RFX3: variants seen among roughly 807,000 people sequenced by gnomAD.
The protein encoded by RFX3 is regulatory factor X3, also known as transcription factor RFX3.
In RFX3, 14 loss-of-function variants were observed where a neutral mutation model predicts 98.6. That is an observed-to-expected ratio of 0.14 (90% CI 0.09 to 0.22). The LOEUF is 0.22. Among genes scored for constraint, RFX3 ranks in the 10% least tolerant of loss-of-function variants. RFX3 has a pLI of 1.00. For missense variants in RFX3, 639 were observed against 926.9 expected, an observed-to-expected ratio of 0.69 and a Z score of 4.03; for synonymous variants, 383 against 328.4, an observed-to-expected ratio of 1.17 and a Z score of -1.80.
intron 2 of RFX3, among the ~76,000 whole-genome samples, chr9:3,382,541 T>A (rs1486459022): frequency 6.6e-6 from 1 of 152,154 alleles, no homozygotes; most frequent in African/African-American, 2.4e-5. Context: ...ACTATAATTT[T>A]TTAGTTTAGT....
At chr9:3,512,913 C>A (rs1295851779) in intron 1 of RFX3, among the ~76,000 whole-genome samples, 1 of 151,988 alleles carries the variant, frequency 6.6e-6, no homozygotes, top group East Asian at 1.9e-4. Flanking sequence ...ACTTTTTTAT[C>A]CTTCTTGATT....
At chr9:3,241,625 C>T (rs1439377489) in intron 15 of RFX3, among the ~76,000 whole-genome samples, 1 of 152,060 alleles carries the variant, frequency 6.6e-6, no homozygotes, top group Non-Finnish European at 1.5e-5. Flanking sequence ...GGGGTCACTT[C>T]TATAATTTAT....
intron 3 of RFX3, among the ~76,000 whole-genome samples, chr9:3,334,132 T>C (rs1218296405): frequency 2.6e-5 from 4 of 152,228 alleles, no homozygotes; most frequent in African/African-American, 9.6e-5. Flanking sequence ...CTGTCAATGA[T>C]ATATGTTAAC....
rs189879465 is a variant in RFX3 at position 3,447,751 on chromosome 9, T to C, written c.-8-52155A>G. ...GAAAGGACACCATGCATGAATTAAG[T>C]AAGAAGCATTCATAAGAGAATCAGA... On this transcript the variant is annotated intron_variant, in intron 1 of 16. Transcript: ENST00000617270. Among the ~76,000 whole-genome samples, 59 of 152,276 alleles carry C rather than the reference T, an allele frequency of 3.9e-4. 1 individual carries two copies. The highest frequency in any genetic ancestry group is 1.4e-3 in the African/African-American group (57 of 41,578).
intron 15 of RFX3, among the ~76,000 whole-genome samples, chr9:3,237,708 T>C (rs1387937178): frequency 6.6e-6 from 1 of 152,230 alleles, no homozygotes; most frequent in African/African-American, 2.4e-5. Context: ...ATGCTTATTT[T>C]GTTGAGGAGA....
intron 4 of RFX3, among the ~76,000 whole-genome samples, chr9:3,318,586 C>G (rs1830901715): frequency 6.7e-6 from 1 of 149,106 alleles, no homozygotes; most frequent in Non-Finnish European, 1.5e-5. Flanking sequence ...ATCTAGCCAG[C>G]TTGGCTTTTC....
In RFX3 at chr9:3,257,013, G is replaced by C; in HGVS notation, c.1792C>G (p.Leu598Val). The C allele has an allele frequency of 6.2e-7, 1 of 1,614,112 alleles. No individual in the cohort carries two copies. Among genetic ancestry groups the C allele is most frequent in the Non-Finnish European group, 8.5e-7 (1 of 1,179,988 alleles). ...TACCTGTAGAAAGACCATTTTAGCA[G>C]AAACTGCCTGGCGGCTTTAGGAAAA... ...PSFPKAARQF[L>V]LKWSFYSSMV... Residue 598 changes from leucine to valine, a missense_variant, in exon 14 of 17, where the codon CTG (leucine) becomes GTG (valine). By Grantham distance (32) the Leu-to-Val change is conservative. Around this residue, in one of 9 missense-constraint regions of RFX3, gnomAD observed 138 missense variants for 308.9 expected, o/e 0.45. Coordinates refer to ENST00000617270, the MANE Select transcript of RFX3 (RefSeq NM_001282116.2).
intron 1 of RFX3, among the ~76,000 whole-genome samples, chr9:3,493,699 AAATAT>A (rs1458688366): frequency 0.04 from 4,089 of 101,816 alleles, 105 homozygotes; most frequent in East Asian, 0.2. Context: ...AAAAAAAAAA[AAATAT>A]ATATATATAT....
chr9:3,523,288 A>G (rs1247361075), intron 1 of RFX3, among the ~76,000 whole-genome samples: 2 of 152,208 alleles, frequency 1.3e-5, no homozygotes, highest in African/African-American at 4.8e-5. Flanking sequence ...GAGAGTATCA[A>G]TACATAACAT....
At chr9:3,325,654 AGAGT>A (rs1831826671) in intron 4 of RFX3, among the ~76,000 whole-genome samples, 1 of 152,110 alleles carries the variant, frequency 6.6e-6, no homozygotes, top group Non-Finnish European at 1.5e-5. Context: ...ATTTTATGTA[AGAGT>A]GAGTAAATAA....
chr9:3,239,315 T>C (rs771997334), intron 15 of RFX3, among the ~76,000 whole-genome samples: 4 of 152,224 alleles, frequency 2.6e-5, no homozygotes, highest in Non-Finnish European at 4.4e-5. Flanking sequence ...TCTTTGTATG[T>C]GTATGTGTAC....
chr9:3,477,756 T>C lies in RFX3; in HGVS notation c.-9+47991A>G, dbSNP rs149546039. The stretch of plus-strand genomic sequence containing the variant: ...TTTAAATATTCTTTCTGCCTCATTC[T>C]CATCTTCTGGGAATCCTATAATGTC... On this transcript the variant is annotated intron_variant, in intron 1 of 16. Transcript: ENST00000617270. Among the ~76,000 whole-genome samples, 140 of 152,334 alleles carry C rather than the reference T, an allele frequency of 9.2e-4. 3 individuals carry two copies. In the East Asian group the frequency reaches 0.024, roughly 27 times the overall value.
chr9:3,516,991 G>A (rs377305306), intron 1 of RFX3, among the ~76,000 whole-genome samples: 3 of 152,308 alleles, frequency 2.0e-5, no homozygotes, highest in South Asian at 2.1e-4. Flanking sequence ...CTGAGACTTT[G>A]CTATAGGTAT....
intron 2 of RFX3, among the ~76,000 whole-genome samples, chr9:3,392,975 A>G (rs1038643461): frequency 1.1e-4 from 15 of 141,352 alleles, no homozygotes; most frequent in African/African-American, 3.9e-4. Flanking sequence ...ATAGGTTGAG[A>G]CATGAAATTA....
chr9:3,235,037 G>C (rs1394193723), intron 15 of RFX3, among the ~76,000 whole-genome samples: 1 of 152,240 alleles, frequency 6.6e-6, no homozygotes, highest in Non-Finnish European at 1.5e-5. Flanking sequence ...CAGGCAAAGA[G>C]AGACAGACCA....
At chr9:3,522,219 A>G (rs1405389704) in intron 1 of RFX3, among the ~76,000 whole-genome samples, 1 of 152,208 alleles carries the variant, frequency 6.6e-6, no homozygotes, top group Non-Finnish European at 1.5e-5. Context: ...AACAAGCCAG[A>G]TTTAGTCAAA....
chr9:3,284,913 G>GAGTATTGA (rs1826381541), intron 7 of RFX3, among the ~76,000 whole-genome samples: 3 of 151,644 alleles, frequency 2.0e-5, no homozygotes, highest in African/African-American at 7.3e-5. Flanking sequence ...TCCATACAGT[G>GAGTATTGA]GTATTGCTGG....
At chr9:3,363,238 T>A (rs1836665304) in intron 2 of RFX3, among the ~76,000 whole-genome samples, 1 of 152,194 alleles carries the variant, frequency 6.6e-6, no homozygotes, top group South Asian at 2.1e-4. Flanking sequence ...AGGAGGCTCC[T>A]CTAGTCTTTC....
At chr9:3,493,700 A>AAAT (rs398010211) in intron 1 of RFX3, among the ~76,000 whole-genome samples, 55 of 71,774 alleles carry the variant, frequency 7.7e-4, no homozygotes, top group Non-Finnish European at 9.7e-4. Flanking sequence ...AAAAAAAAAA[A>AAAT]ATATATATAT....
Sources: gnomAD v4.1 joint callset for allele counts (sites outside exome capture counted in the v4.1 genomes callset) on GRCh38, gnomAD v4.1.1 for gene constraint, gnomAD v4.1.1 regional missense constraint, MANE v1.5 for transcripts, NCBI Gene and HGNC (gene_info 2026-07-23, HGNC 2026-07-21) for gene names.